The following LGI3 variants were observed in gnomAD, a reference collection of about 807,000 sequenced individuals.
LGI3 encodes leucine-rich repeat LGI family member 3.
A neutral mutation model predicts 55.4 loss-of-function variants in LGI3; 47 were observed. The ratio of observed to expected loss-of-function variants is 0.85; its 90% CI spans 0.67 to 1.08. The LOEUF (loss-of-function observed/expected upper bound fraction) is 1.08, where lower values mean the gene tolerates loss of function less well. Ranked by LOEUF, LGI3 falls within the 50% of genes least tolerant of loss-of-function variation. The probability of loss-of-function intolerance (pLI) is 0.00; values close to 1 mark genes in which losing one functional copy is unlikely to be tolerated. For synonymous variants in LGI3, 326 were observed against 315.0 expected (o/e 1.04, Z -0.37); for missense variants, 664 against 726.3 (o/e 0.91, Z 0.99).
At chr8:22,155,091 G>C (rs1285222780) in intron 2 of LGI3, 2 of 472,608 alleles carry the variant, frequency 4.2e-6, no homozygotes, top group Non-Finnish European at 7.7e-6. Context: ...TGCCCACCTT[G>C]GGCACTAGCC....
In LGI3 at chr8:22,148,944, A is replaced by G. The variant is rs1249942304; in HGVS notation, c.863T>C (p.Val288Ala). The change falls in exon 8 of 8, where the codon GTG becomes GCG. Residue 288 changes from valine to alanine, a missense_variant. Val to Ala is a moderately conservative substitution (Grantham distance 64). Coordinates refer to ENST00000306317, the MANE Select transcript of LGI3 (RefSeq NM_139278.4). The surrounding 1 kb of genome is among the most constrained non-coding windows in gnomAD (Gnocchi z 7.0). ...PSAVHCKPMVVDSQLYVVVAQ... is the reference protein window; with the variant it reads ...PSAVHCKPMVADSQLYVVVAQ... ...CACGACCACGTACAGCTGGCTGTCC[A>G]CCACCATCGGCTTGCAGTGCACTGC... The G allele has an allele frequency of 1.2e-5, 19 of 1,613,452 alleles. No homozygotes were observed. The highest frequency in any genetic ancestry group is 3.3e-5 in the Admixed American group (2 of 59,974).
chr8:22,148,493 G>A lies in LGI3; in HGVS notation c.1314C>T (p.Cys438=), dbSNP rs770860881. 21 of 1,613,056 alleles carry A rather than the reference G, an allele frequency of 1.3e-5. No individual in the cohort carries two copies. The East Asian group carries it at 2.7e-4, about 21-fold the overall frequency. Residue 438 remains cysteine (C), a synonymous_variant, in exon 8 of 8, where the codon TGC becomes TGT. Transcript: ENST00000306317. The surrounding 1 kb of genome is among the most constrained non-coding windows in gnomAD (Gnocchi z 7.0). ...TGGAGTCGCCAATGTAGCGGCTGAG[G>A]CACAGGTAGCTGTCGCGGCCGGCAC... The part of the protein sequence containing the change: ...HFRAGRDSYL[C]LSRYIGDSKI...
chr8:22,155,008 C>A (rs1233285047), intron 2 of LGI3: 1 of 400,450 alleles, frequency 2.5e-6, no homozygotes, highest in Non-Finnish European at 4.6e-6. Context: ...CCTGCCATCC[C>A]TTTCTTTCAG....
rs943574942 is a variant in LGI3 at position 22,146,837 on chromosome 8, G to A, written c.*1323C>T. On this transcript the variant is annotated 3_prime_UTR_variant, in exon 8 of 8. Coordinates refer to ENST00000306317, the MANE Select transcript of LGI3 (RefSeq NM_139278.4). ...ATGACACCTGAGAGCCGGTTATGGG[G>A]CGGGAACTTTTTATTTGAAGCAAGT... 1 of 152,264 alleles carries A rather than the reference G, an allele frequency of 6.6e-6. No homozygotes were observed. The highest frequency in any genetic ancestry group is 2.4e-5 in the African/African-American group (1 of 41,472). 9.4% of individuals were successfully genotyped at this position (152,264 alleles called of 1,614,324 possible).
At chr8:22,153,015 A>C (rs1827399857) in intron 5 of LGI3, among the ~76,000 whole-genome samples, 1 of 150,936 alleles carries the variant, frequency 6.6e-6, no homozygotes, top group African/African-American at 2.4e-5. Context: ...GCACCACTGC[A>C]CTTCAGCCTG....
At position 22,155,471 on chromosome 8, in the gene LGI3, G is replaced by C; in HGVS notation, c.207-8C>G. 1.2e-5 allele frequency: 20 copies of C among 1,613,086 alleles called. No individual in the cohort carries two copies. Among genetic ancestry groups the C allele is most frequent in the South Asian group, 2.2e-5 (2 of 91,072 alleles). ...GCGGCATTCACCAGGGTCCTGCGGG[G>C]ACACCCGAGTCAGTACTGTGGGGTC... On this transcript the variant is annotated splice_polypyrimidine_tract_variant and splice_region_variant and intron_variant, in intron 1 of 7. Transcript: ENST00000306317.
chr8:22,148,916 G>A lies in LGI3; in HGVS notation c.891C>T (p.Ala297=). 1 of 1,614,116 alleles carries A rather than the reference G, an allele frequency of 6.2e-7. No homozygotes were observed. The highest frequency in any genetic ancestry group is 2.2e-5 in the East Asian group (1 of 44,880). ...AAATGTAAGAGCCGCCAAACAGCTG[G>A]GCCACGACCACGTACAGCTGGCTGT... The part of the protein sequence containing the change: ...VVDSQLYVVV[A]QLFGGSYIYH... Residue 297 remains alanine (A), a synonymous_variant, in exon 8 of 8, where the codon GCC becomes GCT. Transcript: ENST00000306317. The surrounding 1 kb of genome is among the most constrained non-coding windows in gnomAD (Gnocchi z 7.0).
intron 5 of LGI3, among the ~76,000 whole-genome samples, chr8:22,153,633 A>G (rs1586409336): frequency 1.3e-5 from 2 of 151,422 alleles, no homozygotes; most frequent in African/African-American, 4.8e-5. Context: ...CTTGAACCTG[A>G]GAGGTGGAGG....
chr8:22,153,234 G>A (rs767394971), intron 5 of LGI3, among the ~76,000 whole-genome samples: 19 of 151,086 alleles, frequency 1.3e-4, no homozygotes, highest in Non-Finnish European at 2.1e-4. Context: ...ACAGGCGCCC[G>A]CCACCACACC....
chr8:22,150,219 C>T (rs1827359413), intron 7 of LGI3, among the ~76,000 whole-genome samples: 1 of 152,018 alleles, frequency 6.6e-6, no homozygotes, highest in South Asian at 2.1e-4. Context: ...ACACTCTGGG[C>T]CAGGAGGTTT....
intron 5 of LGI3, 81 bp downstream of exon 5, chr8:22,153,887 C>G: frequency 6.9e-7 from 1 of 1,440,186 alleles, no homozygotes; most frequent in South Asian, 1.1e-5. Context: ...TTATGACCAT[C>G]CCAATTCTGA....
intron 1 of LGI3, among the ~76,000 whole-genome samples, chr8:22,156,119 G>A (rs969463922): frequency 2.0e-5 from 3 of 152,178 alleles, no homozygotes; most frequent in Admixed American, 6.5e-5. Flanking sequence ...CATTCTTGGT[G>A]GTGAACTCCT....
chr8:22,147,063 G>A lies in LGI3; in HGVS notation c.*1097C>T, dbSNP rs543862833. 1 of 152,230 alleles carries A rather than the reference G, an allele frequency of 6.6e-6. No individual in the cohort carries two copies. The highest frequency in any genetic ancestry group is 2.4e-5 in the African/African-American group (1 of 41,442). The allele number at this position is 152,230 out of a possible 1,614,324, so 9.4% of individuals were successfully genotyped here. On this transcript the variant is annotated 3_prime_UTR_variant, in exon 8 of 8. Coordinates refer to ENST00000306317, the MANE Select transcript of LGI3 (RefSeq NM_139278.4). ...GTGCTCCTGGGGGCCTCTGTGGACT[G>A]GTGGGGCCAGGGCTGCAACACGCCC...
At chr8:22,151,715 T>C (rs1233096070) in intron 6 of LGI3, 62 bp from the exon 7 acceptor site, 13 of 1,585,014 alleles carry the variant, frequency 8.2e-6, no homozygotes, top group Non-Finnish European at 1.1e-5. Context: ...GCTTGGGTGA[T>C]GGTGGTTGCT....
Position 22,148,331 on chromosome 8 carries a change from G to A in LGI3, c.1476C>T (p.Ile492=), listed in dbSNP as rs1377791187. 6.2e-7 allele frequency: 1 copy of A among 1,614,158 alleles called. No homozygotes were observed. Among genetic ancestry groups the A allele is most frequent in the Admixed American group, 1.7e-5 (1 of 60,022 alleles). Residue 492 remains isoleucine (I), a synonymous_variant, in exon 8 of 8, where the codon ATC becomes ATT. Transcript: ENST00000306317. The surrounding 1 kb of genome is among the most constrained non-coding windows in gnomAD (Gnocchi z 7.0). ...ALGSDFSFTQ[I]YQWDEGRQKF... ...TCTGTCGTCCCTCATCCCACTGGTA[G>A]ATCTGGGTGAAGGAGAAATCACTGC... is the stretch of plus-strand genomic sequence containing the variant.
Position 22,155,478 on chromosome 8 carries a change from G to C in LGI3, c.207-15C>G, listed in dbSNP as rs531454651. ...TCACCAGGGTCCTGCGGGGACACCC[G>C]AGTCAGTACTGTGGGGTCTGCAAGG... On this transcript the variant is annotated splice_polypyrimidine_tract_variant and intron_variant, in intron 1 of 7. Coordinates refer to ENST00000306317, the MANE Select transcript of LGI3 (RefSeq NM_139278.4). The C allele has an allele frequency of 6.2e-7, 1 of 1,611,856 alleles. No homozygotes were observed.
At chr8:22,150,223 G>A (rs999688378) in intron 7 of LGI3, among the ~76,000 whole-genome samples, 10 of 152,140 alleles carry the variant, frequency 6.6e-5, no homozygotes, top group Non-Finnish European at 8.8e-5. Context: ...TCTGGGCCAG[G>A]AGGTTTTTTT....
At position 22,156,302 on chromosome 8, in the gene LGI3, C is replaced by G. The variant is rs759902096; in HGVS notation, c.206+35G>C. The G allele has an allele frequency of 1.2e-5, 19 of 1,606,994 alleles. No individual in the cohort carries two copies. The Admixed American group carries it at 2.7e-4, about 23-fold the overall frequency. ...CAGAGCTGTCCTCGGCCTCCTCTCC[C>G]TCCCCAACCCCCAAGGCCAGGGCTG... is the stretch of plus-strand genomic sequence containing the variant. On this transcript the variant is annotated intron_variant, in intron 1 of 7. Transcript: ENST00000306317.
intron 6 of LGI3, 69 bp from the exon 7 acceptor site, chr8:22,151,722 T>A: frequency 6.3e-7 from 1 of 1,576,836 alleles, no homozygotes. Flanking sequence ...TGATGGTGGT[T>A]GCTTTACTGC....
Sources: allele counts gnomAD v4.1 joint callset (sites outside exome capture counted in the v4.1 genomes callset), GRCh38; gene constraint gnomAD v4.1.1; non-coding constraint Gnocchi (gnomAD v3.1); transcripts MANE v1.5; gene names NCBI Gene and HGNC (gene_info 2026-07-23, HGNC 2026-07-21).